GBE1: variants seen among roughly 807,000 people sequenced by gnomAD.
GBE1 encodes the protein 1,4-alpha-glucan-branching enzyme.
In GBE1, 70 loss-of-function variants were observed where a neutral mutation model predicts 88.8. The observed-to-expected ratio is 0.79, with a 90% CI of 0.65 to 0.96. The LOEUF (loss-of-function observed/expected upper bound fraction) is 0.96. Ranked by LOEUF, GBE1 falls within the 40% of genes least tolerant of loss-of-function variation. GBE1 has a pLI of 0.00. For missense variants in GBE1, 872 were observed against 871.0 expected (o/e 1.00, Z -0.01); for synonymous variants, 284 against 300.1 (o/e 0.95, Z 0.56).
intron 9 of GBE1, among the ~76,000 whole-genome samples, chr3:81,589,306 TATAA>T (rs1389326650): frequency 6.6e-6 from 1 of 151,980 alleles, no homozygotes; most frequent in Non-Finnish European, 1.5e-5. Context: ...TAATTGTCAT[TATAA>T]ATAAATTCAT....
intron 1 of GBE1, among the ~76,000 whole-genome samples, chr3:81,720,983 T>C (rs1706019248): frequency 9.9e-6 from 1 of 100,670 alleles, no homozygotes; most frequent in African/African-American, 4.3e-5. Flanking sequence ...TTCTCACTCA[T>C]AGGTGGGAAT....
At chr3:81,503,473 G>A (rs1266727581) in intron 14 of GBE1, among the ~76,000 whole-genome samples, 3 of 152,088 alleles carry the variant, frequency 2.0e-5, no homozygotes, top group Non-Finnish European at 2.9e-5. Context: ...TAAAACAGAC[G>A]GCGGAAAGAC....
At chr3:81,705,313 CTA>C in intron 2 of GBE1, 129 bp downstream of exon 2, 1 of 660,498 alleles carries the variant, frequency 1.5e-6, no homozygotes, top group Non-Finnish European at 2.4e-6. Flanking sequence ...TTCTAAGGCT[CTA>C]TCTGAAAAGT....
intron 2 of GBE1, among the ~76,000 whole-genome samples, chr3:81,680,390 G>A (rs1705322246): frequency 6.6e-6 from 1 of 151,748 alleles, no homozygotes. Flanking sequence ...CAGCTACTCA[G>A]GAAGCTGAGG....
intron 1 of GBE1, among the ~76,000 whole-genome samples, chr3:81,714,023 A>G (rs1184727584): frequency 6.6e-6 from 1 of 152,230 alleles, no homozygotes; most frequent in Non-Finnish European, 1.5e-5. Flanking sequence ...AGCAAGGAGT[A>G]GGACAGCATT....
chr3:81,678,228 A>G (rs1559685036), intron 2 of GBE1, among the ~76,000 whole-genome samples: 2 of 152,196 alleles, frequency 1.3e-5, no homozygotes. Flanking sequence ...CTGTATCACA[A>G]TGGAATATCT....
intron 2 of GBE1, among the ~76,000 whole-genome samples, chr3:81,702,120 T>TACA: frequency 7.4e-6 from 1 of 135,372 alleles, no homozygotes; most frequent in Non-Finnish European, 1.6e-5. Flanking sequence ...TGTGTGTGTG[T>TACA]GTGTGTGTGT....
At chr3:81,492,734 TTTTC>T (rs1310126304) in intron 15 of GBE1, among the ~76,000 whole-genome samples, 10 of 146,652 alleles carry the variant, frequency 6.8e-5, no homozygotes, top group Non-Finnish European at 1.3e-4. Context: ...CCTTCCTTCC[TTTTC>T]TTTCTTTCTT....
chr3:81,490,425 A>G lies in GBE1; in HGVS notation c.2091T>C (p.Asn697=). Residue 697 remains asparagine (N), a synonymous_variant, in exon 16 of 16, where the codon AAT becomes AAC. Transcript: ENST00000429644. The stretch of plus-strand genomic sequence containing the variant: ...GGCCTCTTCAATTCGGCAGATCCAC[A>G]TTCTGAAGGATGAGGGCCACTCTGC... ...IPSRVALILQ[N]VDLPN 2 of 1,613,306 alleles carry G rather than the reference A, an allele frequency of 1.2e-6. No individual in the cohort carries two copies. The highest frequency in any genetic ancestry group is 1.1e-5 in the South Asian group (1 of 91,022).
chr3:81,646,636 T>G (rs1206027160), intron 5 of GBE1, 154 bp from the exon 6 acceptor site: 2 of 569,006 alleles, frequency 3.5e-6, no homozygotes, highest in East Asian at 6.3e-5. Context: ...AACATTTTTT[T>G]GTTTGACCTT....
intron 14 of GBE1, among the ~76,000 whole-genome samples, chr3:81,516,898 T>C (rs946917544): frequency 6.6e-6 from 1 of 151,560 alleles, no homozygotes; most frequent in African/African-American, 2.4e-5. Context: ...GTGATAAAAC[T>C]TTAATGGATG....
intron 1 of GBE1, among the ~76,000 whole-genome samples, chr3:81,735,119 G>A (rs952245412): frequency 2.0e-5 from 3 of 152,080 alleles, no homozygotes; most frequent in Admixed American, 6.6e-5. Context: ...CCACTTGGGG[G>A]CCTTGGAACA....
chr3:81,724,413 AT>A (rs1209188099), intron 1 of GBE1, among the ~76,000 whole-genome samples: 1 of 152,204 alleles, frequency 6.6e-6, no homozygotes, highest in Non-Finnish European at 1.5e-5. Context: ...CCACAGTTCT[AT>A]AGTACCAACA....
At chr3:81,631,085 T>C (rs1704501257) in intron 7 of GBE1, among the ~76,000 whole-genome samples, 1 of 152,030 alleles carries the variant, frequency 6.6e-6, no homozygotes, top group African/African-American at 2.4e-5. Flanking sequence ...TTGCCATTGG[T>C]CCTAGCTACT....
At chr3:81,500,617 C>T (rs1272146610) in intron 14 of GBE1, among the ~76,000 whole-genome samples, 1 of 152,142 alleles carries the variant, frequency 6.6e-6, no homozygotes, top group African/African-American at 2.4e-5. Context: ...GTAAGGCAAG[C>T]ATATCATCAA....
At chr3:81,524,477 C>G (rs1487619159) in intron 14 of GBE1, among the ~76,000 whole-genome samples, 1 of 151,804 alleles carries the variant, frequency 6.6e-6, no homozygotes, top group Non-Finnish European at 1.5e-5. Context: ...AGCTTTTTAA[C>G]TTGCTCTCAT....
Position 81,655,340 on chromosome 3 carries a change from C to T in GBE1, c.430-5419G>A, listed in dbSNP as rs372697143. The stretch of plus-strand genomic sequence containing the variant: ...GGATTACAGGCATGAGCCACTGCAC[C>T]CGGCCTATAATTAATTTTTAAGTAA... On this transcript the variant is annotated intron_variant, in intron 3 of 15. Transcript: ENST00000429644. 2.8e-4 allele frequency among the ~76,000 whole-genome samples: 43 copies of T among 151,972 alleles called. 1 individual carries two copies. In the East Asian group the frequency reaches 6.8e-3, roughly 24 times the overall value.
At chr3:81,736,929 T>C (rs1706264064) in intron 1 of GBE1, among the ~76,000 whole-genome samples, 1 of 152,132 alleles carries the variant, frequency 6.6e-6, no homozygotes, top group Non-Finnish European at 1.5e-5. Flanking sequence ...AAACTCATTC[T>C]TGTAACTCTA....
intron 7 of GBE1, among the ~76,000 whole-genome samples, chr3:81,620,973 C>T (rs1296844371): frequency 6.6e-6 from 1 of 152,170 alleles, no homozygotes; most frequent in Non-Finnish European, 1.5e-5. Context: ...ACAGCAATAC[C>T]TAGGAACTCT....
Sources: gnomAD v4.1 joint callset for allele counts (sites outside exome capture counted in the v4.1 genomes callset) on GRCh38, gnomAD v4.1.1 for gene constraint, MANE v1.5 for transcripts, NCBI Gene and HGNC (gene_info 2026-07-23, HGNC 2026-07-21) for gene names.